The following STAU1 variants were observed in gnomAD, a reference collection of about 807,000 sequenced individuals.
The protein encoded by STAU1 is staufen double-stranded RNA binding protein 1, also known as double-stranded RNA-binding protein Staufen homolog 1.
A neutral mutation model predicts 62.9 loss-of-function variants in STAU1; 13 were observed. That is an observed-to-expected ratio of 0.21 (90% CI 0.13 to 0.33). The LOEUF is 0.33. STAU1 is among the 10% of genes least tolerant of loss of function. The pLI, the probability that STAU1 is intolerant of heterozygous loss-of-function variation, is 1.00. For synonymous variants in STAU1, 269 were observed against 265.1 expected (o/e 1.01, Z -0.14); for missense variants, 571 against 712.1 (o/e 0.80, Z 2.25).
the STAU1 span, among the ~76,000 whole-genome samples, chr20:49,201,946 C>T: frequency 6.6e-6 from 1 of 151,838 alleles, no homozygotes; most frequent in Non-Finnish European, 1.5e-5. Flanking sequence ...AGAGGCCAGG[C>T]GCGGTGGCTC....
At chr20:49,153,301 C>CGTG (rs147602119) in intron 4 of STAU1, among the ~76,000 whole-genome samples, 1 of 147,478 alleles carries the variant, frequency 6.8e-6, no homozygotes, top group Non-Finnish European at 1.5e-5. Context: ...GTGGCTCACA[C>CGTG]TTTAATCCTA....
the STAU1 span, among the ~76,000 whole-genome samples, chr20:49,216,859 G>C: frequency 6.6e-6 from 1 of 152,138 alleles, no homozygotes; most frequent in Non-Finnish European, 1.5e-5. Context: ...GCTCATTCTT[G>C]GGCAAGGCTT....
At chr20:49,192,581 G>A (rs529271071), upstream of STAU1, among the ~76,000 whole-genome samples, 1 of 152,220 alleles carries the variant, frequency 6.6e-6, no homozygotes, top group East Asian at 1.9e-4. Flanking sequence ...GATATCAGTT[G>A]ATCAAGACAT....
chr20:49,217,374 T>TC, the STAU1 span, among the ~76,000 whole-genome samples: 1 of 151,800 alleles, frequency 6.6e-6, no homozygotes, highest in African/African-American at 2.4e-5. Context: ...GGTACATGAG[T>TC]CAGGTATAGA....
chr20:49,154,067 G>A lies in STAU1; in HGVS notation c.210C>T (p.Ser70=). 1 of 1,595,334 alleles carries A rather than the reference G, an allele frequency of 6.3e-7. No homozygotes were observed. Among genetic ancestry groups the A allele is most frequent in the Non-Finnish European group, 8.5e-7 (1 of 1,175,302 alleles). ...SITSTSAAAE[S]ITPTVELNAL... is the part of the protein sequence containing the mutation. ...CATTTAGTTCTACAGTAGGGGTTAT[G>A]CTTTCTGCAAGAAAGAATCGACAAA... The change falls in exon 4 of 14, where the codon AGC becomes AGT. Residue 70 remains serine, a synonymous_variant. Coordinates refer to ENST00000371856, the MANE Select transcript of STAU1 (RefSeq NM_017453.4).
At chr20:49,179,884 T>C (rs1214157061) in intron 1 of STAU1, among the ~76,000 whole-genome samples, 2 of 152,218 alleles carry the variant, frequency 1.3e-5, no homozygotes, top group Non-Finnish European at 1.5e-5. Context: ...TAATGAGACA[T>C]GCTATGTCAT....
Position 49,114,727 on chromosome 20 carries a change from T to C in STAU1, c.*151A>G. The C allele has an allele frequency of 2.7e-6, 2 of 754,068 alleles. No homozygotes were observed. Among genetic ancestry groups the C allele is most frequent in the South Asian group, 3.3e-5 (2 of 60,830 alleles). The allele number at this position is 754,068 out of a possible 1,614,324, so 46.7% of individuals were successfully genotyped here. ...GCCCGGCCACAGCCGCCTCCTTGTG[T>C]TTCTGTTGTCTTCCCTGCTGCTGCC... On this transcript the variant is annotated 3_prime_UTR_variant, in exon 14 of 14. Transcript: ENST00000371856.
rs1555837251 is a variant in STAU1, at chr20:49,126,588, C to CAAAAAAAAAACAAAAAAAAAAACA, written c.610-2002_610-2001insTGTTTTTTTTTTTGTTTTTTTTTT. 2.9e-3 allele frequency among the ~76,000 whole-genome samples: 166 copies of CAAAAAAAAAACAAAAAAAAAAACA among 56,306 alleles called. 5 individuals carry two copies. Among genetic ancestry groups the CAAAAAAAAAACAAAAAAAAAAACA allele is most frequent in the African/African-American group, 9.7e-3 (153 of 15,712 alleles). The allele number at this position is 56,306 out of a possible 152,430, so 36.9% of individuals were successfully genotyped here. On this transcript the variant is annotated intron_variant, in intron 6 of 13. Transcript: ENST00000371856. ...GTCTCAAAAAGCAAAAAAAAAAAAA[C>CAAAAAAAAAACAAAAAAAAAAACA]AAAAAAAAAACAAAAAAACTTAAAA... is the stretch of plus-strand genomic sequence containing the variant.
chr20:49,187,785 C>CA (rs1164545860), intron 1 of STAU1, among the ~76,000 whole-genome samples: 1 of 150,954 alleles, frequency 6.6e-6, no homozygotes, highest in African/African-American at 2.4e-5. Context: ...CCCCCCCCCC[C>CA]CCCGCCTGCG....
chr20:49,199,118 C>T, the STAU1 span, among the ~76,000 whole-genome samples: 2 of 151,750 alleles, frequency 1.3e-5, no homozygotes, highest in Non-Finnish European at 2.9e-5. Flanking sequence ...TGCACTCCAG[C>T]CTGGGCAACA....
chr20:49,171,919 A>T (rs1257579506), intron 2 of STAU1, among the ~76,000 whole-genome samples: 6 of 136,294 alleles, frequency 4.4e-5, no homozygotes, highest in South Asian at 2.4e-4. Flanking sequence ...AAACTACTTT[A>T]AAAAAAAAAA....
At chr20:49,209,488 T>C in the STAU1 span, among the ~76,000 whole-genome samples, 1 of 148,834 alleles carries the variant, frequency 6.7e-6, no homozygotes. Flanking sequence ...CTCCCACCTG[T>C]AATCTCACAG....
rs184074658 is a variant in STAU1 at position 49,160,485 on chromosome 20, G to T, written c.205+5512C>A. 7.9e-5 allele frequency among the ~76,000 whole-genome samples: 12 copies of T among 152,190 alleles called. No individual in the cohort carries two copies. In the East Asian group the frequency reaches 2.1e-3, roughly 27 times the overall value. The stretch of plus-strand genomic sequence containing the variant: ...CGCTACAGCTGCAAAAGACAACTCC[G>T]TATCTCCGTGTCCTTAGATGGTTGG... On this transcript the variant is annotated intron_variant, in intron 3 of 13. Coordinates refer to ENST00000371856, the MANE Select transcript of STAU1 (RefSeq NM_017453.4).
At chr20:49,192,445 C>T (rs1018678961), upstream of STAU1, among the ~76,000 whole-genome samples, 20 of 151,288 alleles carry the variant, frequency 1.3e-4, no homozygotes, top group African/African-American at 4.9e-4. Flanking sequence ...ATAAACTTTA[C>T]AAGAAATATG....
chr20:49,204,609 T>TATATATATAC, the STAU1 span, among the ~76,000 whole-genome samples: 1 of 66,176 alleles, frequency 1.5e-5, no homozygotes, highest in Non-Finnish European at 3.1e-5. Context: ...TATATATATA[T>TATATATATAC]ATATATATAT....
At chr20:49,153,009 G>C (rs1310228898) in intron 4 of STAU1, among the ~76,000 whole-genome samples, 4 of 151,952 alleles carry the variant, frequency 2.6e-5, no homozygotes, top group African/African-American at 7.2e-5. Context: ...CCAGCACTTT[G>C]GGAGGCCGAG....
intron 6 of STAU1, chr20:49,135,018 G>A (rs1310138709): frequency 1.3e-6 from 2 of 1,595,626 alleles, no homozygotes; most frequent in African/African-American, 2.7e-5. Flanking sequence ...GGACAGCGAA[G>A]GGAGCCCGGG....
chr20:49,114,327 G>C lies in STAU1; in HGVS notation c.*551C>G, dbSNP rs1421518466. 2 of 153,500 alleles carry C rather than the reference G, an allele frequency of 1.3e-5. No homozygotes were observed. The highest frequency in any genetic ancestry group is 4.8e-5 in the African/African-American group (2 of 41,476). 9.5% of individuals were successfully genotyped at this position (153,500 alleles called of 1,614,324 possible). On this transcript the variant is annotated 3_prime_UTR_variant, in exon 14 of 14. Transcript: ENST00000371856. ...CAGATCACTGTTGGAAGAGAAAGCA[G>C]TGGTGATGGTGTGGGTACTGCAGGA...
chr20:49,208,723 C>CA, the STAU1 span, among the ~76,000 whole-genome samples: 1 of 150,808 alleles, frequency 6.6e-6, no homozygotes, highest in Non-Finnish European at 1.5e-5. Flanking sequence ...GGGTTCACGC[C>CA]ATTCTCCTGT....
Sources: allele counts gnomAD v4.1 joint callset (sites outside exome capture counted in the v4.1 genomes callset), GRCh38; gene constraint gnomAD v4.1.1; transcripts MANE v1.5; gene names NCBI Gene and HGNC (gene_info 2026-07-23, HGNC 2026-07-21).